Variants in FRMD4B observed in about 807,000 individuals in gnomAD.
FRMD4B encodes FERM domain containing 4B, also known as FERM domain-containing protein 4B.
In FRMD4B, 74 loss-of-function variants were observed where a neutral mutation model predicts 141.5. The ratio of observed to expected loss-of-function variants is 0.52; its 90% CI spans 0.43 to 0.63. The LOEUF is 0.63. Ranked by LOEUF, FRMD4B falls within the 30% of genes least tolerant of loss-of-function variation. The pLI, the probability that FRMD4B is intolerant of heterozygous loss-of-function variation, is 0.00. For missense variants in FRMD4B, 1,366 were observed against 1,253.4 expected, an observed-to-expected ratio of 1.09 and a Z score of -1.36; for synonymous variants, 506 against 467.9, an observed-to-expected ratio of 1.08 and a Z score of -1.05.
Position 69,196,876 on chromosome 3 carries a change from A to G in FRMD4B, c.1092+24T>C, listed in dbSNP as rs111508155. 8.4e-4 allele frequency: 1,331 copies of G among 1,578,800 alleles called. 7 individuals carry two copies. The highest frequency in any genetic ancestry group is 4.4e-3 in the South Asian group (398 of 89,860). ...GAATGCAAAAGGGGAATCTGTCCCT[A>G]TAGAAATGATGCCAGTTACTTACTT... On this transcript the variant is annotated intron_variant, in intron 13 of 22. Transcript: ENST00000398540.
chr3:69,422,462 C>G (rs1007432655), intron 2 of FRMD4B, among the ~76,000 whole-genome samples: 4 of 152,016 alleles, frequency 2.6e-5, no homozygotes, highest in Non-Finnish European at 5.9e-5. Context: ...CTTACCCCTC[C>G]CCTGCTAGGT....
chr3:69,522,444 A>G (rs1307433559), intron 1 of FRMD4B, among the ~76,000 whole-genome samples: 1 of 152,102 alleles, frequency 6.6e-6, no homozygotes, highest in Non-Finnish European at 1.5e-5. Flanking sequence ...TAACACTTCT[A>G]TCCACATCAT....
intron 5 of FRMD4B, among the ~76,000 whole-genome samples, chr3:69,271,311 C>T (rs1364783183): frequency 6.6e-6 from 1 of 152,136 alleles, no homozygotes; most frequent in Admixed American, 6.5e-5. Flanking sequence ...GTAAATTTAC[C>T]CTGGCTAGTG....
chr3:69,534,507 C>T (rs917686820), intron 1 of FRMD4B, among the ~76,000 whole-genome samples: 1 of 152,200 alleles, frequency 6.6e-6, no homozygotes, highest in Non-Finnish European at 1.5e-5. Context: ...AAGTCCAGTG[C>T]TCCTGAACTG....
upstream of FRMD4B, among the ~76,000 whole-genome samples, chr3:69,388,935 C>T (rs1704324768): frequency 6.6e-6 from 1 of 151,978 alleles, no homozygotes; most frequent in Admixed American, 6.6e-5. Context: ...GTGTAGCCAT[C>T]ACAAGAATAG....
chr3:69,472,958 TA>T (rs1705922031), intron 1 of FRMD4B, among the ~76,000 whole-genome samples: 1 of 142,146 alleles, frequency 7.0e-6, no homozygotes, highest in Non-Finnish European at 1.5e-5. Context: ...TTTTTTGGCT[TA>T]GGGGGTGGAA....
intron 3 of FRMD4B, among the ~76,000 whole-genome samples, chr3:69,307,055 T>C (rs1444120292): frequency 1.3e-5 from 2 of 152,060 alleles, no homozygotes; most frequent in African/African-American, 4.8e-5. Context: ...GCCCCGCTCA[T>C]ACTTCTTCTG....
At chr3:69,397,076 A>T (rs1463604870) in intron 2 of FRMD4B, among the ~76,000 whole-genome samples, 1 of 152,238 alleles carries the variant, frequency 6.6e-6, no homozygotes, top group Non-Finnish European at 1.5e-5. Context: ...TCACAGAAGC[A>T]TTCTTCATAA....
At chr3:69,267,595 GTATATATA>G (rs869255944) in intron 5 of FRMD4B, among the ~76,000 whole-genome samples, 1 of 98,208 alleles carries the variant, frequency 1.0e-5, no homozygotes, top group African/African-American at 4.4e-5. Flanking sequence ...GTGTGTGTGT[GTATATATA>G]TATATATATA....
chr3:69,399,872 C>T (rs1704530954), intron 2 of FRMD4B, among the ~76,000 whole-genome samples: 1 of 152,306 alleles, frequency 6.6e-6, no homozygotes, highest in Middle Eastern at 3.4e-3. Flanking sequence ...GGGACCATGC[C>T]TGTCTTGTGA....
At chr3:69,225,519 CAAAAAAAAAAA>C (rs35855787) in intron 7 of FRMD4B, among the ~76,000 whole-genome samples, 5 of 50,572 alleles carry the variant, frequency 9.9e-5, no homozygotes, top group Non-Finnish European at 1.3e-4. Context: ...ACTAAAAATA[CAAAAAAAAAAA>C]AAAAAAAAAA....
At chr3:69,187,550 A>ATATATATATATATATACATATATATATAT (rs1346022116) in intron 19 of FRMD4B, among the ~76,000 whole-genome samples, 1 of 143,916 alleles carries the variant, frequency 6.9e-6, no homozygotes, top group Non-Finnish European at 1.5e-5. Context: ...CAAAAAAAAA[A>ATATATATATATATATACATATATATATAT]AAATATATAT....
intron 4 of FRMD4B, 31 bp downstream of exon 4, chr3:69,302,311 GA>G: frequency 2.1e-6 from 1 of 477,304 alleles, no homozygotes; most frequent in Non-Finnish European, 3.6e-6. Context: ...AGCAAAAAAA[GA>G]GGGATGCTAA....
At chr3:69,228,592 T>C in intron 7 of FRMD4B, 1 of 415,612 alleles carries the variant, frequency 2.4e-6, no homozygotes, top group Non-Finnish European at 4.8e-6. Flanking sequence ...CCCAACACTT[T>C]GGGAGACTGA....
chr3:69,259,521 A>T (rs1410534708), intron 5 of FRMD4B, among the ~76,000 whole-genome samples: 1 of 152,152 alleles, frequency 6.6e-6, no homozygotes, highest in African/African-American at 2.4e-5. Flanking sequence ...TATTCTCCAC[A>T]CTAATGTTCG....
At chr3:69,446,381 G>A (rs1165221227) in intron 1 of FRMD4B, among the ~76,000 whole-genome samples, 1 of 151,494 alleles carries the variant, frequency 6.6e-6, no homozygotes, top group African/African-American at 2.4e-5. Context: ...CATCCTGGCT[G>A]GAGTGCAGTG....
At chr3:69,349,302 C>T (rs1703054295) in intron 1 of FRMD4B, among the ~76,000 whole-genome samples, 1 of 152,140 alleles carries the variant, frequency 6.6e-6, no homozygotes, top group Non-Finnish European at 1.5e-5. Flanking sequence ...AACTACAAAC[C>T]ACTGCTCAAT....
At chr3:69,362,710 C>CCCAAA (rs1553730362) in intron 1 of FRMD4B, among the ~76,000 whole-genome samples, 1 of 148,106 alleles carries the variant, frequency 6.8e-6, no homozygotes, top group African/African-American at 2.5e-5. Context: ...ACCCCCCCCC[C>CCCAAA]AAAAAAACAA....
chr3:69,494,100 G>A (rs965850440), intron 1 of FRMD4B, among the ~76,000 whole-genome samples: 4 of 152,124 alleles, frequency 2.6e-5, no homozygotes, highest in Admixed American at 6.6e-5. Context: ...GGCTGGTCTC[G>A]AACTCTCGGC....
Sources: gnomAD v4.1 joint callset for allele counts (sites outside exome capture counted in the v4.1 genomes callset) on GRCh38, gnomAD v4.1.1 for gene constraint, MANE v1.5 for transcripts, NCBI Gene and HGNC (gene_info 2026-07-23, HGNC 2026-07-21) for gene names.